The following MATCAP1 variants were observed in gnomAD, a reference collection of about 807,000 sequenced individuals.
MATCAP1 encodes the protein microtubule associated tyrosine carboxypeptidase 1.
the MATCAP1 span, chr16:67,179,945 A>G: frequency 1.9e-6 from 3 of 1,614,202 alleles, no homozygotes; most frequent in East Asian, 2.2e-5. This position sits in a 1 kb window ranked among gnomAD's most constrained non-coding sequence, Gnocchi z 5.2. Flanking sequence ...AACAGCCTCA[A>G]TGATGCCAAC....
chr16:67,181,375 G>A, the MATCAP1 span, among the ~76,000 whole-genome samples: 7 of 152,242 alleles, frequency 4.6e-5, no homozygotes, highest in African/African-American at 1.7e-4. Flanking sequence ...TGAGCCATCT[G>A]TTGAAATCCA....
At chr16:67,179,747 A>T in the MATCAP1 span, 1 of 1,600,044 alleles carries the variant, frequency 6.2e-7, no homozygotes, top group Non-Finnish European at 8.6e-7. The surrounding 1 kb of genome is among the most constrained non-coding windows in gnomAD (Gnocchi z 5.2). Context: ...GTGGAGCTGG[A>T]CCTGGGACCG....
the MATCAP1 span, chr16:67,178,649 G>T: frequency 1.3e-6 from 1 of 780,008 alleles, no homozygotes; most frequent in Non-Finnish European, 2.2e-6. Flanking sequence ...TCGCACACAG[G>T]CTCTCCCAGC....
chr16:67,179,308 C>T, the MATCAP1 span: 22 of 1,501,618 alleles, frequency 1.5e-5, no homozygotes, highest in Non-Finnish European at 1.9e-5. The surrounding 1 kb of genome is among the most constrained non-coding windows in gnomAD (Gnocchi z 5.2). Flanking sequence ...GGGAAAGCCC[C>T]GACCTCAGGA....
the MATCAP1 span, chr16:67,179,897 G>A: frequency 6.2e-7 from 1 of 1,614,200 alleles, no homozygotes. This position sits in a 1 kb window ranked among gnomAD's most constrained non-coding sequence, Gnocchi z 5.2. Flanking sequence ...CCCCCCAGTG[G>A]CAGCCTCAAA....
chr16:67,179,272 G>A, the MATCAP1 span: 539 of 1,478,002 alleles, frequency 3.6e-4, no homozygotes, highest in Non-Finnish European at 4.6e-4. The surrounding 1 kb of genome is among the most constrained non-coding windows in gnomAD (Gnocchi z 5.2). Flanking sequence ...TCTGTAAGCA[G>A]AGGGCGGGAG....
At chr16:67,178,556 C>A in the MATCAP1 span, 2 of 1,446,248 alleles carry the variant, frequency 1.4e-6, no homozygotes, top group East Asian at 2.5e-5. Context: ...CGGGGACCCG[C>A]CTGCGAGCCC....
the MATCAP1 span, chr16:67,183,217 G>C: frequency 6.6e-6 from 1 of 152,018 alleles, no homozygotes; most frequent in Non-Finnish European, 1.5e-5. Context: ...ACAGGTTTCT[G>C]CTTGGCCCAG....
chr16:67,179,241 G>A, the MATCAP1 span: 1 of 1,421,744 alleles, frequency 7.0e-7, no homozygotes, highest in Non-Finnish European at 9.2e-7. This position sits in a 1 kb window ranked among gnomAD's most constrained non-coding sequence, Gnocchi z 5.2. Context: ...CAGAGCATGG[G>A]CAGGCATGTT....
chr16:67,177,869 T>C, the MATCAP1 span: 1 of 687,972 alleles, frequency 1.5e-6, no homozygotes, highest in Non-Finnish European at 2.5e-6. Flanking sequence ...TTTCATCTCC[T>C]GTTCTCACTT....
the MATCAP1 span, among the ~76,000 whole-genome samples, chr16:67,182,249 CAAAAAAA>C: frequency 2.2e-5 from 1 of 46,344 alleles, no homozygotes; most frequent in Admixed American, 2.1e-4. Flanking sequence ...AACTCCATCT[CAAAAAAA>C]AAAAAAAAAA....
the MATCAP1 span, chr16:67,177,953 A>C: frequency 6.7e-7 from 1 of 1,485,480 alleles, no homozygotes; most frequent in Non-Finnish European, 9.4e-7. Context: ...AGGCTCAGGG[A>C]ATTCTACAGC....
chr16:67,179,411 C>G, the MATCAP1 span: 5 of 1,591,576 alleles, frequency 3.1e-6, no homozygotes, highest in Non-Finnish European at 4.3e-6. This position sits in a 1 kb window ranked among gnomAD's most constrained non-coding sequence, Gnocchi z 5.2. Flanking sequence ...CCCATCTGCC[C>G]GGATACCCAC....
the MATCAP1 span, chr16:67,178,160 C>G: frequency 6.5e-7 from 1 of 1,550,214 alleles, no homozygotes; most frequent in Non-Finnish European, 8.7e-7. Flanking sequence ...GCCCCGCCCC[C>G]ACCCCGGCTC....
chr16:67,178,496 A>G, the MATCAP1 span: 2 of 1,526,746 alleles, frequency 1.3e-6, no homozygotes, highest in Admixed American at 2.0e-5. Flanking sequence ...CCCCGCAGGT[A>G]GTGGGTGCCT....
At chr16:67,178,498 T>A in the MATCAP1 span, 1 of 1,525,946 alleles carries the variant, frequency 6.6e-7, no homozygotes, top group Admixed American at 2.0e-5. Context: ...CCGCAGGTAG[T>A]GGGTGCCTGC....
the MATCAP1 span, chr16:67,180,479 G>C: frequency 1.9e-6 from 3 of 1,602,774 alleles, no homozygotes; most frequent in African/African-American, 1.3e-5. Context: ...GCAAGGCCAG[G>C]GACTGAGACC....
the MATCAP1 span, chr16:67,180,533 A>C: frequency 6.4e-7 from 1 of 1,552,110 alleles, no homozygotes; most frequent in Non-Finnish European, 8.7e-7. Flanking sequence ...GCTTCAGCCT[A>C]TGGCGCAGGG....
At chr16:67,180,657 C>G in the MATCAP1 span, 1 of 1,371,638 alleles carries the variant, frequency 7.3e-7, no homozygotes, top group Non-Finnish European at 9.9e-7. Flanking sequence ...ACTCCCCACA[C>G]TGTCGACCTC....
Sources: allele counts gnomAD v4.1 joint callset (sites outside exome capture counted in the v4.1 genomes callset), GRCh38; gene constraint gnomAD v4.1.1; non-coding constraint Gnocchi (gnomAD v3.1); transcripts MANE v1.5; gene names NCBI Gene and HGNC (gene_info 2026-07-23, HGNC 2026-07-21).